Variants in R3HDM2 observed in about 807,000 individuals in gnomAD.
R3HDM2 encodes the protein R3H domain containing 2.
A neutral mutation model predicts 124.5 loss-of-function variants in R3HDM2; 38 were observed. The observed-to-expected ratio is 0.31, with a 90% CI of 0.24 to 0.40. R3HDM2 has a LOEUF of 0.40. R3HDM2 is among the 10% of genes least tolerant of loss of function. The pLI, the probability that R3HDM2 is intolerant of heterozygous loss-of-function variation, is 1.00. For synonymous variants in R3HDM2, 391 were observed against 448.0 expected (o/e 0.87, Z 1.61); for missense variants, 869 against 1,236.9 (o/e 0.70, Z 4.46).
chr12:57,359,247 G>C (rs947953980), intron 2 of R3HDM2, among the ~76,000 whole-genome samples: 2 of 152,060 alleles, frequency 1.3e-5, no homozygotes, highest in Non-Finnish European at 2.9e-5. Context: ...TTTTTGTAGA[G>C]ATGGTGTTTC....
intron 10 of R3HDM2, among the ~76,000 whole-genome samples, chr12:57,294,228 G>T (rs1472628926): frequency 2.0e-5 from 3 of 152,126 alleles, no homozygotes; most frequent in Admixed American, 2.0e-4. Context: ...AAAGTACACA[G>T]AAACAACCCT....
Position 57,383,441 on chromosome 12 carries a change from G to A in R3HDM2, c.-36+12308C>T, listed in dbSNP as rs898326598. On this transcript the variant is annotated intron_variant, in intron 2 of 23. Transcript: ENST00000402412. ...TGATCGGCAGGGCGCTGTGGCTAAT[G>A]CCTGTAATCCCAGCACTTTGGAAGG... 3.9e-5 allele frequency among the ~76,000 whole-genome samples: 6 copies of A among 152,228 alleles called. No homozygotes were observed. The East Asian group carries it at 7.7e-4, about 20-fold the overall frequency.
chr12:57,297,301 A>G, intron 8 of R3HDM2, 27 bp downstream of exon 8: 3 of 1,288,336 alleles, frequency 2.3e-6, no homozygotes, highest in Non-Finnish European at 3.3e-6. Flanking sequence ...CCCACCTCTA[A>G]TTATATATTT....
Position 57,296,002 on chromosome 12 carries a change from TG to T in R3HDM2, c.701+408del, listed in dbSNP as rs1427599928. On this transcript the variant is annotated intron_variant, in intron 9 of 23. Transcript: ENST00000402412. This position sits in a 1 kb window ranked among gnomAD's most constrained non-coding sequence, Gnocchi z 4.5. ...CTCCTGCCTCAGCCTCCCGAGTAGC[TG>T]GGATTACAGGCGCCTGCCACCGCGC... Among the ~76,000 whole-genome samples the T allele has an allele frequency of 1.3e-5, 2 of 152,140 alleles. No individual in the cohort carries two copies. The highest frequency in any genetic ancestry group is 3.9e-4 in the East Asian group (2 of 5,182).
chr12:57,391,434 G>C (rs1594373064), intron 2 of R3HDM2, among the ~76,000 whole-genome samples: 1 of 152,168 alleles, frequency 6.6e-6, no homozygotes, highest in African/African-American at 2.4e-5. Flanking sequence ...TGGTTTCCAG[G>C]GAATGGGATG....
intron 21 of R3HDM2, 150 bp from the exon 22 acceptor site, chr12:57,256,661 T>G: frequency 1.7e-6 from 1 of 594,218 alleles, no homozygotes; most frequent in Non-Finnish European, 2.9e-6. Context: ...TAAGAGTTGT[T>G]TCTCTTCCTA....
At chr12:57,355,959 T>G (rs2061245476) in intron 2 of R3HDM2, among the ~76,000 whole-genome samples, 1 of 152,216 alleles carries the variant, frequency 6.6e-6, no homozygotes, top group African/African-American at 2.4e-5. Flanking sequence ...TAAATTTTTC[T>G]AGTTTTATAC....
chr12:57,369,513 G>A (rs977237428), intron 2 of R3HDM2, among the ~76,000 whole-genome samples: 10 of 152,208 alleles, frequency 6.6e-5, no homozygotes, highest in African/African-American at 2.4e-4. Flanking sequence ...GGCTATTTCA[G>A]AAATCTAGCA....
rs566868060 is a variant in R3HDM2, at chr12:57,260,263, C to CAAAAAAAAAAAAAAAAAAAAAAA, written c.2132-1205_2132-1204insTTTTTTTTTTTTTTTTTTTTTTT. 4.0e-3 allele frequency among the ~76,000 whole-genome samples: 126 copies of CAAAAAAAAAAAAAAAAAAAAAAA among 31,558 alleles called. 28 individuals carry two copies. Among genetic ancestry groups the CAAAAAAAAAAAAAAAAAAAAAAA allele is most frequent in the East Asian group, 0.013 (8 of 636 alleles). The allele number at this position is 31,558 out of a possible 152,430, so 20.7% of individuals were successfully genotyped here. A position where few individuals can be genotyped will look rare whatever the true frequency, so the allele number is the denominator to read the frequency against. On this transcript the variant is annotated intron_variant, in intron 19 of 23. Transcript: ENST00000402412. ...TGGGTGACAGAATGAGACCCTGCCT[C>CAAAAAAAAAAAAAAAAAAAAAAA]AAAAAAAAAAAAAAAAAAAAAAGCC... is the stretch of plus-strand genomic sequence containing the variant.
rs2038229372 is a variant in R3HDM2 at position 57,254,210 on chromosome 12, G to A, written c.*563C>T. On this transcript the variant is annotated 3_prime_UTR_variant, in exon 24 of 24. Coordinates refer to ENST00000402412, the MANE Select transcript of R3HDM2 (RefSeq NM_001394031.1). ...GAAGAGATTTAAAAAAATGATAGAA[G>A]AGGATGGAAGCCAGGCACAGTGGCT... is the stretch of plus-strand genomic sequence containing the variant. The A allele has an allele frequency of 2.2e-6, 1 of 455,676 alleles. No homozygotes were observed. The highest frequency in any genetic ancestry group is 2.0e-5 in the African/African-American group (1 of 50,022). 28.2% of individuals were successfully genotyped at this position (455,676 alleles called of 1,614,324 possible). A position where few individuals can be genotyped will look rare whatever the true frequency, so the allele number is the denominator to read the frequency against.
intron 9 of R3HDM2, 169 bp from the exon 10 acceptor site, chr12:57,295,676 G>A (rs2049631606): frequency 1.7e-6 from 1 of 587,322 alleles, no homozygotes; most frequent in Admixed American, 3.0e-5. Flanking sequence ...TTCAGGGTCT[G>A]TACTTTATAC....
chr12:57,399,955 G>A (rs1049797942), intron 1 of R3HDM2, among the ~76,000 whole-genome samples: 33 of 152,248 alleles, frequency 2.2e-4, no homozygotes, highest in African/African-American at 7.7e-4. Context: ...CTGATGGACT[G>A]ACAAGTCACT....
chr12:57,313,615 C>T (rs1566099467), intron 2 of R3HDM2, among the ~76,000 whole-genome samples: 2 of 151,248 alleles, frequency 1.3e-5, no homozygotes, highest in African/African-American at 4.9e-5. Flanking sequence ...TGCAGTGGCT[C>T]ATGCCTGTAA....
Position 57,296,647 on chromosome 12 carries a change from T to C in R3HDM2, c.561-96A>G. On this transcript the variant is annotated intron_variant, in intron 8 of 23. Coordinates refer to ENST00000402412, the MANE Select transcript of R3HDM2 (RefSeq NM_001394031.1). The surrounding 1 kb of genome is among the most constrained non-coding windows in gnomAD (Gnocchi z 4.5). ...CTTACAAGTGTCTAAAGTGGAAAGT[T>C]TCTTAGGAGAAATAGACATATTATA... is the stretch of plus-strand genomic sequence containing the variant. The C allele has an allele frequency of 7.8e-7, 1 of 1,284,452 alleles. No homozygotes were observed. The highest frequency in any genetic ancestry group is 1.1e-6 in the Non-Finnish European group (1 of 933,990). 79.6% of individuals were successfully genotyped at this position (1,284,452 alleles called of 1,614,324 possible). A position where few individuals can be genotyped will look rare whatever the true frequency, so the allele number is the denominator to read the frequency against.
In R3HDM2 at chr12:57,269,868, A is replaced by G. The variant is rs755745166; in HGVS notation, c.1471T>C (p.Phe491Leu). Reference sequence around the variant, plus strand: ...GGCTGACCCGTGGAAGCCATGATGAAGCTAGTCTGCTGAGGGTGCTGGGAG... The same window carrying G: ...GGCTGACCCGTGGAAGCCATGATGAGGCTAGTCTGCTGAGGGTGCTGGGAG... ...LISQHPQQTS[F>L]IMASTGQPLP... The change falls in exon 15 of 24, where the codon TTC becomes CTC. Residue 491 changes from phenylalanine to leucine, a missense_variant. Coordinates refer to ENST00000402412, the MANE Select transcript of R3HDM2 (RefSeq NM_001394031.1). 6 of 1,614,020 alleles carry G rather than the reference A, an allele frequency of 3.7e-6. No homozygotes were observed. The Admixed American group carries it at 6.7e-5, about 18-fold the overall frequency.
intron 11 of R3HDM2, among the ~76,000 whole-genome samples, chr12:57,289,420 G>A (rs2138277327): frequency 6.6e-6 from 1 of 152,332 alleles, no homozygotes; most frequent in East Asian, 1.9e-4. Context: ...CAAAGGAAGG[G>A]AAAAGGGAGA....
At chr12:57,316,582 C>CTTTTTT (rs761496804) in intron 2 of R3HDM2, among the ~76,000 whole-genome samples, 2 of 100,118 alleles carry the variant, frequency 2.0e-5, no homozygotes, top group Non-Finnish European at 4.0e-5. Context: ...TGCATCCATC[C>CTTTTTT]TTTTTTTTTT....
At chr12:57,265,060 C>T (rs1225901775) in intron 19 of R3HDM2, among the ~76,000 whole-genome samples, 1 of 152,162 alleles carries the variant, frequency 6.6e-6, no homozygotes, top group Non-Finnish European at 1.5e-5. Context: ...GGCTGCATGG[C>T]ATAAACTTAT....
At chr12:57,266,631 T>A in intron 19 of R3HDM2, 100 bp downstream of exon 19, 1 of 906,304 alleles carries the variant, frequency 1.1e-6, no homozygotes, top group East Asian at 2.7e-5. Context: ...ACAGACCCAA[T>A]ACCTGAACTC....
Sources: allele counts gnomAD v4.1 joint callset (sites outside exome capture counted in the v4.1 genomes callset), GRCh38; gene constraint gnomAD v4.1.1; non-coding constraint Gnocchi (gnomAD v3.1); transcripts MANE v1.5; gene names NCBI Gene and HGNC (gene_info 2026-07-23, HGNC 2026-07-21).